IGSF9: variants seen among roughly 807,000 people sequenced by gnomAD.
IGSF9 encodes the protein immunoglobulin superfamily member 9.
In IGSF9, 87 loss-of-function variants were observed where a neutral mutation model predicts 121.7. The observed-to-expected ratio is 0.71, with a 90% CI of 0.60 to 0.85. IGSF9 has a LOEUF of 0.85. Among genes scored for constraint, IGSF9 ranks in the 40% least tolerant of loss-of-function variants. The pLI, the probability that IGSF9 is intolerant of heterozygous loss-of-function variation, is 0.00. For missense variants in IGSF9, 1,462 were observed against 1,565.3 expected (o/e 0.93, Z 1.11); for synonymous variants, 640 against 648.4 (o/e 0.99, Z 0.20).
chr1:159,940,188 T>C (rs1651330602), intron 3 of IGSF9, among the ~76,000 whole-genome samples: 1 of 152,222 alleles, frequency 6.6e-6, no homozygotes, highest in Admixed American at 6.5e-5. Context: ...AGACGCGGCG[T>C]GCTTTCCATG....
chr1:159,929,556 A>G, intron 17 of IGSF9, 82 bp downstream of exon 17: 2 of 1,501,718 alleles, frequency 1.3e-6, no homozygotes, highest in Non-Finnish European at 1.8e-6. Flanking sequence ...CACAGGAGCG[A>G]GGGCTTTTCC....
chr1:159,941,428 C>T (rs1277788834), intron 3 of IGSF9, among the ~76,000 whole-genome samples: 3 of 152,250 alleles, frequency 2.0e-5, no homozygotes, highest in Non-Finnish European at 2.9e-5. Context: ...TCTGGCCTGA[C>T]CAAGAGCTCC....
intron 18 of IGSF9, 135 bp downstream of exon 18, chr1:159,929,216 C>T (rs1650879255): frequency 1.5e-6 from 2 of 1,317,950 alleles, no homozygotes; most frequent in African/African-American, 1.5e-5. Flanking sequence ...ACTGCACACC[C>T]CTTCTTACCC....
In IGSF9 at chr1:159,936,889, C is replaced by G. The variant is rs1300740266; in HGVS notation, c.420G>C (p.Glu140Asp). The G allele has an allele frequency of 6.2e-7, 1 of 1,614,084 alleles. No individual in the cohort carries two copies. Among genetic ancestry groups the G allele is most frequent in the African/African-American group, 1.3e-5 (1 of 74,950 alleles). Residue 140 changes from glutamate to aspartate, a missense_variant, in exon 5 of 21, where the codon GAG becomes GAC. This residue lies in a region of IGSF9 where 558 missense variants were observed against 599.4 expected (regional missense o/e 0.93). Coordinates refer to ENST00000368094, the MANE Select transcript of IGSF9 (RefSeq NM_001135050.2). ...LTVNSPPQFQ[E>D]TPPAVLEVQE... ...GCACTTCCAACACAGCAGGAGGTGT[C>G]TCCTGGAATTGAGGGGGTGCTGCAA...
intron 6 of IGSF9, among the ~76,000 whole-genome samples, chr1:159,935,574 C>T (rs186092984): frequency 2.0e-5 from 3 of 152,372 alleles, no homozygotes; most frequent in Admixed American, 2.0e-4. Context: ...CTACTCCTTC[C>T]CCTCTCTGGG....
intron 6 of IGSF9, among the ~76,000 whole-genome samples, 192 bp downstream of exon 6, chr1:159,936,207 T>G (rs561246448): frequency 2.0e-5 from 3 of 152,242 alleles, no homozygotes; most frequent in African/African-American, 7.2e-5. Flanking sequence ...TCGCTTTGTC[T>G]GCTTACTGAG....
Position 159,930,871 on chromosome 1 carries a change from G to A in IGSF9, c.1638-4C>T. ...CATTCGGTCAGGACGCTTGGCCCTG[G>A]GAGACATGAGGACATGGGGGGCACC... On this transcript the variant is annotated splice_polypyrimidine_tract_variant and splice_region_variant and intron_variant, in intron 13 of 20. Transcript: ENST00000368094. The A allele has an allele frequency of 6.3e-7, 1 of 1,596,562 alleles. No individual in the cohort carries two copies. The highest frequency in any genetic ancestry group is 8.5e-7 in the Non-Finnish European group (1 of 1,171,114).
At chr1:159,929,041 G>C (rs1228384689) in intron 18 of IGSF9, 23 bp from the exon 19 acceptor site, 1 of 1,512,270 alleles carries the variant, frequency 6.6e-7, no homozygotes, top group Non-Finnish European at 8.8e-7. Flanking sequence ...AGGAGATCAG[G>C]GTCTGTGGTA....
At position 159,932,043 on chromosome 1, in the gene IGSF9, T is replaced by A; in HGVS notation, c.1246-115A>T. On this transcript the variant is annotated intron_variant, in intron 10 of 20. Transcript: ENST00000368094. This position sits in a 1 kb window ranked among gnomAD's most constrained non-coding sequence, Gnocchi z 4.1. ...TCACCTCACTCTCCCTCACTCCCCC[T>A]AGCTAAACACTCACCAAGCCTGTCT... The A allele has an allele frequency of 3.0e-6, 2 of 671,104 alleles. No individual in the cohort carries two copies. 41.6% of individuals were successfully genotyped at this position (671,104 alleles called of 1,614,324 possible). A position where few individuals can be genotyped will look rare whatever the true frequency, so the allele number is the denominator to read the frequency against.
rs746480546 is a variant in IGSF9 at position 159,930,808 on chromosome 1, G to A, written c.1697C>T (p.Ala566Val). 3.7e-6 allele frequency: 6 copies of A among 1,613,888 alleles called. No individual in the cohort carries two copies. Among genetic ancestry groups the A allele is most frequent in the Non-Finnish European group, 5.1e-6 (6 of 1,179,858 alleles). ...CAGCCCTGGCACTAGGAGGTGAGCA[G>A]CCCCCACAGGCACTGCCAAGGACAC... ...DWVSLAVPVGAAHLLVPGLQP... is the reference protein window; with the variant it reads ...DWVSLAVPVGVAHLLVPGLQP... Residue 566 changes from alanine (A) to valine (V), a missense_variant, in exon 14 of 21, where the codon GCT (alanine) becomes GTT (valine). This residue lies in a region of IGSF9 where 96 missense variants were observed against 150.7 expected (regional missense o/e 0.64). Transcript: ENST00000368094.
rs1320905113 is a variant in IGSF9, at chr1:159,943,388, T to C, written c.58+9A>G. On this transcript the variant is annotated intron_variant, in intron 2 of 20. Coordinates refer to ENST00000368094, the MANE Select transcript of IGSF9 (RefSeq NM_001135050.2). ...ACAGGGCATTCTTGAGCCCAAGAGCTCAGCTTACCGTCAGCCCCCTGGCTG... is the reference window on the plus strand; with the variant it reads ...ACAGGGCATTCTTGAGCCCAAGAGCCCAGCTTACCGTCAGCCCCCTGGCTG... 1.3e-6 allele frequency: 2 copies of C among 1,576,654 alleles called. No individual in the cohort carries two copies. The highest frequency in any genetic ancestry group is 1.7e-6 in the Non-Finnish European group (2 of 1,161,086).
chr1:159,930,070 T>C (rs1203663032), intron 15 of IGSF9, 95 bp from the exon 16 acceptor site: 1 of 1,547,678 alleles, frequency 6.5e-7, no homozygotes, highest in African/African-American at 1.4e-5. Context: ...GACGGAAGGG[T>C]GAGGTAGGAC....
At chr1:159,939,223 C>T (rs1355301896) in intron 3 of IGSF9, among the ~76,000 whole-genome samples, 1 of 152,100 alleles carries the variant, frequency 6.6e-6, no homozygotes, top group African/African-American at 2.4e-5. Context: ...CTGCTATGAA[C>T]AAATGGAGCT....
intron 8 of IGSF9, 32 bp from the exon 9 acceptor site, chr1:159,934,364 G>C: frequency 1.3e-6 from 2 of 1,570,852 alleles, no homozygotes; most frequent in Non-Finnish European, 1.7e-6. Flanking sequence ...TTGGGGGAGA[G>C]GGGCTTGGCC....
Position 159,931,612 on chromosome 1 carries a change from C to A in IGSF9, c.1363-9G>T. 6.2e-7 allele frequency: 1 copy of A among 1,613,406 alleles called. No individual in the cohort carries two copies. The highest frequency in any genetic ancestry group is 1.1e-5 in the South Asian group (1 of 91,058). ...TGCAGCCCCCGGCCCACCTACAGAACCACTGGTGAGCCCTGAGGACACACG... is the reference window on the plus strand; with the variant it reads ...TGCAGCCCCCGGCCCACCTACAGAAACACTGGTGAGCCCTGAGGACACACG... On this transcript the variant is annotated splice_polypyrimidine_tract_variant and intron_variant, in intron 11 of 20. Transcript: ENST00000368094. This position sits in a 1 kb window ranked among gnomAD's most constrained non-coding sequence, Gnocchi z 4.8.
rs142626808 is a variant in IGSF9 at position 159,930,697 on chromosome 1, G to A, written c.1808C>T (p.Pro603Leu). Reference protein sequence around the residue: ...GPFSEIVLSAPEGLPTTPAAP... With the variant: ...GPFSEIVLSALEGLPTTPAAP... Reference sequence around the variant, plus strand: ...TGGGACGAGAAGCTTCTCACCTTCCGGAGCAGACAAGACGATTTCGCTGAA... The same window carrying A: ...TGGGACGAGAAGCTTCTCACCTTCCAGAGCAGACAAGACGATTTCGCTGAA... Residue 603 changes from proline to leucine, a missense_variant, in exon 14 of 21, where the codon CCG becomes CTG. Physicochemically the swap from Pro to Leu is moderately conservative, Grantham distance 98. This residue lies in a region of IGSF9 where 808 missense variants were observed against 815.2 expected (regional missense o/e 0.99). Coordinates refer to ENST00000368094, the MANE Select transcript of IGSF9 (RefSeq NM_001135050.2). 1.2e-5 allele frequency: 19 copies of A among 1,613,872 alleles called. No individual in the cohort carries two copies. Among genetic ancestry groups the A allele is most frequent in the African/African-American group, 1.1e-4 (8 of 74,886 alleles).
chr1:159,927,689 G>C, intron 20 of IGSF9, 71 bp downstream of exon 20: 1 of 1,571,116 alleles, frequency 6.4e-7, no homozygotes, highest in African/African-American at 1.4e-5. Context: ...GGGAATAGAT[G>C]GGTCCTAAGG....
At chr1:159,940,821 T>A (rs1651349572) in intron 3 of IGSF9, among the ~76,000 whole-genome samples, 1 of 152,208 alleles carries the variant, frequency 6.6e-6, no homozygotes, top group Non-Finnish European at 1.5e-5. Context: ...ACATCCCTTC[T>A]GCTGTGTGGG....
chr1:159,942,998 C>A lies in IGSF9; in HGVS notation c.212G>T (p.Gly71Val). 7 of 1,613,598 alleles carry A rather than the reference C, an allele frequency of 4.3e-6. No homozygotes were observed. The highest frequency in any genetic ancestry group is 5.9e-6 in the Non-Finnish European group (7 of 1,179,796). ...AGGGTCAATTCGGGGAGAGTAGAGG[C>A]CGAACTGGATGAAGATGGGAAGCAG... ...GFLLPIFIQF[G>V]LYSPRIDPDY... Residue 71 changes from glycine (G) to valine (V), a missense_variant, in exon 3 of 21, where the codon GGC (glycine) becomes GTC (valine). Transcript: ENST00000368094.
Sources: allele counts gnomAD v4.1 joint callset (sites outside exome capture counted in the v4.1 genomes callset), GRCh38; gene constraint gnomAD v4.1.1; regional missense constraint gnomAD v4.1.1; non-coding constraint Gnocchi (gnomAD v3.1); transcripts MANE v1.5; gene names NCBI Gene and HGNC (gene_info 2026-07-23, HGNC 2026-07-21).